The following PLCB1 variants were observed in gnomAD, a reference collection of about 807,000 sequenced individuals.
PLCB1 encodes the protein phospholipase C beta 1.
In PLCB1, 46 loss-of-function variants were observed where a neutral mutation model predicts 161.8. The observed-to-expected ratio is 0.28, with a 90% CI of 0.22 to 0.36. PLCB1 has a LOEUF of 0.36. PLCB1 is among the 10% of genes least tolerant of loss of function. The pLI is 1.00. For synonymous variants in PLCB1, 517 were observed against 503.7 expected (o/e 1.03, Z -0.35); for missense variants, 1,016 against 1,472.5 (o/e 0.69, Z 5.07).
chr20:8,285,651 C>G (rs1318949469), intron 2 of PLCB1, among the ~76,000 whole-genome samples: 1 of 152,042 alleles, frequency 6.6e-6, no homozygotes, highest in East Asian at 1.9e-4. Flanking sequence ...ACATGACCCT[C>G]CTTGAGCAGC....
At chr20:8,194,310 G>A (rs2052000901) in intron 2 of PLCB1, among the ~76,000 whole-genome samples, 1 of 152,016 alleles carries the variant, frequency 6.6e-6, no homozygotes, top group Non-Finnish European at 1.5e-5. Flanking sequence ...TGTGAAAAGT[G>A]TTTCTGGAGA....
chr20:8,152,425 A>G (rs1320938448), intron 2 of PLCB1, among the ~76,000 whole-genome samples: 1 of 152,298 alleles, frequency 6.6e-6, no homozygotes, highest in East Asian at 1.9e-4. Context: ...GAATTAGAGT[A>G]AATGTGTGCT....
At chr20:8,730,170 GT>G (rs1980160377) in intron 18 of PLCB1, among the ~76,000 whole-genome samples, 1 of 151,904 alleles carries the variant, frequency 6.6e-6, no homozygotes, top group Non-Finnish European at 1.5e-5. Flanking sequence ...GCTGATTAAT[GT>G]TTAATTAAAA....
intron 27 of PLCB1, among the ~76,000 whole-genome samples, chr20:8,783,254 A>T (rs1983325175): frequency 6.6e-6 from 1 of 152,212 alleles, no homozygotes; most frequent in African/African-American, 2.4e-5. Context: ...TTTATTTCCT[A>T]GGAAGTCCAA....
rs905439149 is a variant in PLCB1, at chr20:8,883,814, A to G, written c.*1965A>G. On this transcript the variant is annotated 3_prime_UTR_variant, in exon 32 of 32. Coordinates refer to ENST00000338037, the MANE Select transcript of PLCB1 (RefSeq NM_015192.4). ...GACACTTAATAAAACTTAACTTCCAATGAAAAAGAAATCTTTTGTAAATCA... is the reference window on the plus strand; with the variant it reads ...GACACTTAATAAAACTTAACTTCCAGTGAAAAAGAAATCTTTTGTAAATCA... 3.3e-5 allele frequency: 5 copies of G among 152,548 alleles called. No homozygotes were observed. Among genetic ancestry groups the G allele is most frequent in the Admixed American group, 1.3e-4 (2 of 15,252 alleles). The allele number at this position is 152,548 out of a possible 1,614,324, so 9.4% of individuals were successfully genotyped here. A position where few individuals can be genotyped will look rare whatever the true frequency, so the allele number is the denominator to read the frequency against.
intron 31 of PLCB1, chr20:8,792,701 G>A (rs1983822602): frequency 6.5e-6 from 3 of 460,520 alleles, no homozygotes; most frequent in South Asian, 1.6e-5. Context: ...TCAAACTAAA[G>A]CATTTCTTGA....
At chr20:8,366,876 G>A (rs1392508415) in intron 2 of PLCB1, among the ~76,000 whole-genome samples, 1 of 152,138 alleles carries the variant, frequency 6.6e-6, no homozygotes, top group African/African-American at 2.4e-5. Flanking sequence ...ATTGTTGGAT[G>A]GACTTCAAGG....
intron 11 of PLCB1, among the ~76,000 whole-genome samples, chr20:8,703,191 TA>T: frequency 6.6e-6 from 1 of 152,304 alleles, no homozygotes; most frequent in Middle Eastern, 3.4e-3. Flanking sequence ...CTGGAGATGA[TA>T]ATAGTGCTTA....
At chr20:8,460,566 T>C (rs1449153494) in intron 3 of PLCB1, among the ~76,000 whole-genome samples, 1 of 152,256 alleles carries the variant, frequency 6.6e-6, no homozygotes, top group Non-Finnish European at 1.5e-5. Flanking sequence ...TTCTGTGTGA[T>C]GCCTGGCATA....
intron 3 of PLCB1, among the ~76,000 whole-genome samples, chr20:8,510,005 C>T (rs1304109630): frequency 6.6e-6 from 1 of 152,098 alleles, no homozygotes; most frequent in Non-Finnish European, 1.5e-5. Context: ...TTATTATTCA[C>T]CATTATTTCT....
At chr20:8,287,929 C>T (rs996877710) in intron 2 of PLCB1, among the ~76,000 whole-genome samples, 4 of 152,124 alleles carry the variant, frequency 2.6e-5, no homozygotes, top group Non-Finnish European at 2.9e-5. Context: ...GTGTGTTGGA[C>T]GCAGCCATTT....
chr20:8,387,429 A>G (rs1231536572), intron 3 of PLCB1, among the ~76,000 whole-genome samples: 1 of 152,192 alleles, frequency 6.6e-6, no homozygotes, highest in Non-Finnish European at 1.5e-5. Flanking sequence ...CCCACACAAC[A>G]TTTATTCATT....
chr20:8,697,649 T>A lies in PLCB1; in HGVS notation c.1033T>A (p.Ser345Thr). The change falls in exon 11 of 32, where the codon TCT becomes ACT. Residue 345 changes from serine (S) to threonine (T), a missense_variant. Around this residue, in one of 10 missense-constraint regions of PLCB1, gnomAD observed 9 missense variants for 45.4 expected, o/e 0.20. Transcript: ENST00000338037. ...LTAGQLAGNSSVEMYRQVLLS... is the reference protein window; with the variant it reads ...LTAGQLAGNSTVEMYRQVLLS... ...AGCTGGCCAACTGGCTGGAAACTCCTCTGTTGAGATGTATCGCCAAGTGCT... is the reference window on the plus strand; with the variant it reads ...AGCTGGCCAACTGGCTGGAAACTCCACTGTTGAGATGTATCGCCAAGTGCT... 6.2e-7 allele frequency: 1 copy of A among 1,614,208 alleles called. No individual in the cohort carries two copies. The highest frequency in any genetic ancestry group is 8.5e-7 in the Non-Finnish European group (1 of 1,180,026).
chr20:8,827,548 T>G (rs1467984048), intron 31 of PLCB1, among the ~76,000 whole-genome samples: 1 of 152,218 alleles, frequency 6.6e-6, no homozygotes, highest in Non-Finnish European at 1.5e-5. Context: ...AAAAATTGAA[T>G]AAAATTTAAA....
At chr20:8,363,491 C>A (rs1323490837) in intron 2 of PLCB1, among the ~76,000 whole-genome samples, 1 of 152,154 alleles carries the variant, frequency 6.6e-6, no homozygotes, top group Non-Finnish European at 1.5e-5. Flanking sequence ...TGCTTCTAAA[C>A]CCTCTTTTGA....
intron 3 of PLCB1, among the ~76,000 whole-genome samples, chr20:8,442,974 GTTTTTTTTTTT>G (rs955479441): frequency 7.2e-6 from 1 of 139,568 alleles, no homozygotes; most frequent in African/African-American, 2.6e-5. Flanking sequence ...TGAGTTTCTT[GTTTTTTTTTTT>G]GTTTTTTTTT....
At chr20:8,718,831 T>A (rs1184024764) in intron 14 of PLCB1, among the ~76,000 whole-genome samples, 1 of 152,194 alleles carries the variant, frequency 6.6e-6, no homozygotes, top group African/African-American at 2.4e-5. Flanking sequence ...AAATATTAAC[T>A]ATAGAACTGA....
chr20:8,467,436 T>C (rs987407492), intron 3 of PLCB1, among the ~76,000 whole-genome samples: 1 of 152,172 alleles, frequency 6.6e-6, no homozygotes, highest in African/African-American at 2.4e-5. Context: ...CATTTATTCC[T>C]CACTGGGGTC....
intron 2 of PLCB1, among the ~76,000 whole-genome samples, chr20:8,278,781 A>G (rs535871381): frequency 6.6e-6 from 1 of 152,204 alleles, no homozygotes; most frequent in South Asian, 2.1e-4. Flanking sequence ...ATTTTCTATT[A>G]AAGGTGAACA....
Sources: gnomAD v4.1 joint callset for allele counts (sites outside exome capture counted in the v4.1 genomes callset) on GRCh38, gnomAD v4.1.1 for gene constraint, gnomAD v4.1.1 regional missense constraint, MANE v1.5 for transcripts, NCBI Gene and HGNC (gene_info 2026-07-23, HGNC 2026-07-21) for gene names.